The following TUSC3 variants were observed in gnomAD, a reference collection of about 807,000 sequenced individuals.
The protein encoded by TUSC3 is dolichyl-diphosphooligosaccharide--protein glycosyltransferase subunit TUSC3.
A neutral mutation model predicts 44.8 loss-of-function variants in TUSC3; 45 were observed. The observed-to-expected ratio is 1.00, with a 90% CI of 0.79 to 1.29. The LOEUF (loss-of-function observed/expected upper bound fraction) is 1.29, where lower values mean the gene tolerates loss of function less well. Ranked by LOEUF, TUSC3 falls within the 50% of genes most tolerant of loss-of-function variation. TUSC3 has a pLI of 0.00. For missense variants in TUSC3, 519 were observed against 437.9 expected (o/e 1.19, Z -1.65); for synonymous variants, 212 against 152.9 (o/e 1.39, Z -2.85).
intron 6 of TUSC3, chr8:15,689,163 G>T: frequency 5.0e-6 from 2 of 401,748 alleles, no homozygotes; most frequent in South Asian, 2.1e-5. Context: ...TTTCCACTCT[G>T]CTTCTTGCTT....
chr8:15,758,242 A>C (rs759043169), intron 10 of TUSC3: 341 of 995,966 alleles, frequency 3.4e-4, no homozygotes, highest in Middle Eastern at 5.1e-4. Flanking sequence ...GTAAGCCTTA[A>C]TATTCAAGGG....
intron 2 of TUSC3, among the ~76,000 whole-genome samples, chr8:15,499,898 A>G (rs1800935794): frequency 6.6e-6 from 1 of 152,198 alleles, no homozygotes; most frequent in African/African-American, 2.4e-5. Flanking sequence ...ACACACACAC[A>G]TTCTGTATTC....
At chr8:15,758,481 C>G (rs954989376) in intron 10 of TUSC3, among the ~76,000 whole-genome samples, 1 of 151,798 alleles carries the variant, frequency 6.6e-6, no homozygotes, top group African/African-American at 2.4e-5. Context: ...TTCCACACTG[C>G]ACATCCCACC....
intron 1 of TUSC3, among the ~76,000 whole-genome samples, chr8:15,616,755 C>T (rs1805002099): frequency 6.6e-6 from 1 of 152,208 alleles, no homozygotes; most frequent in South Asian, 2.1e-4. Flanking sequence ...AGAGCCCTAA[C>T]ACCCCTTGGT....
chr8:15,785,857 T>C, the TUSC3 span, among the ~76,000 whole-genome samples: 1 of 152,112 alleles, frequency 6.6e-6, no homozygotes, highest in South Asian at 2.1e-4. Context: ...TAACTTATCC[T>C]CCTGGATAGA....
intron 1 of TUSC3, among the ~76,000 whole-genome samples, chr8:15,448,304 A>G (rs976761204): frequency 6.6e-6 from 1 of 151,596 alleles, no homozygotes; most frequent in African/African-American, 2.4e-5. Context: ...TTTTTAGTAG[A>G]GATGAGGTTT....
At chr8:15,539,360 T>TTTTTC (rs1801593924), upstream of TUSC3, among the ~76,000 whole-genome samples, 1 of 135,118 alleles carries the variant, frequency 7.4e-6, no homozygotes, top group Non-Finnish European at 1.6e-5. Flanking sequence ...TTTTTTTTTT[T>TTTTTC]TTTTTTTTTT....
chr8:15,566,601 A>T (rs1402671759), intron 1 of TUSC3, among the ~76,000 whole-genome samples: 3 of 142,310 alleles, frequency 2.1e-5, no homozygotes, highest in African/African-American at 7.6e-5. Flanking sequence ...CAGAAGACAC[A>T]TTTTTTTGTT....
chr8:15,511,467 T>G (rs1241273140), intron 2 of TUSC3, among the ~76,000 whole-genome samples: 1 of 152,214 alleles, frequency 6.6e-6, no homozygotes, highest in Non-Finnish European at 1.5e-5. Context: ...AAAAATGTAT[T>G]GTATTTCTCT....
At chr8:15,786,726 G>A in the TUSC3 span, among the ~76,000 whole-genome samples, 1 of 151,870 alleles carries the variant, frequency 6.6e-6, no homozygotes, top group African/African-American at 2.4e-5. Context: ...GGTGGATCAC[G>A]AGGTCAGGAG....
chr8:15,698,828 G>A (rs1189264373), intron 6 of TUSC3, among the ~76,000 whole-genome samples: 2 of 150,708 alleles, frequency 1.3e-5, no homozygotes, highest in African/African-American at 4.9e-5. Context: ...AGTTCTGAAA[G>A]CATGGACCAT....
At chr8:15,653,791 A>G (rs970697565) in intron 3 of TUSC3, among the ~76,000 whole-genome samples, 1 of 152,224 alleles carries the variant, frequency 6.6e-6, no homozygotes, top group African/African-American at 2.4e-5. Context: ...TTAACTGACT[A>G]TTAAATCATA....
Position 15,709,706 on chromosome 8 carries a change from T to C in TUSC3, c.799-20960T>C, listed in dbSNP as rs911578389. Among the ~76,000 whole-genome samples, 3 of 151,906 alleles carry C rather than the reference T, an allele frequency of 2.0e-5. No individual in the cohort carries two copies. In the Admixed American group the frequency reaches 2.0e-4, roughly 10 times the overall value. On this transcript the variant is annotated intron_variant, in intron 6 of 10. Transcript: ENST00000503731. ...TCCTTTAGTCCTTATAGTATCCTTA[T>C]ATGAAATTGCCACTATTATCTCCCA...
the TUSC3 span, among the ~76,000 whole-genome samples, chr8:15,771,788 T>G: frequency 6.6e-6 from 1 of 151,986 alleles, no homozygotes; most frequent in African/African-American, 2.4e-5. Context: ...GAAATGTCTG[T>G]ATTAAAAAAA....
chr8:15,486,815 C>G lies in TUSC3; in HGVS notation n.189+3332C>G, dbSNP rs191796774. On this transcript the variant is annotated intron_variant and non_coding_transcript_variant, in intron 2 of 5. Coordinates refer to the TUSC3 transcript ENST00000503191. ...GTGTTCAGGAATGTATTCTATATTC[C>G]TTTCTCATTGAAGCTAGTAGCACTG... is the stretch of plus-strand genomic sequence containing the variant. Among the ~76,000 whole-genome samples the G allele has an allele frequency of 2.7e-3, 418 of 152,282 alleles. 4 individuals carry two copies. Among genetic ancestry groups the G allele is most frequent in the African/African-American group, 9.7e-3 (401 of 41,554 alleles).
intron 6 of TUSC3, among the ~76,000 whole-genome samples, chr8:15,729,204 T>C (rs533233444): frequency 6.6e-6 from 1 of 152,314 alleles, no homozygotes; most frequent in East Asian, 1.9e-4. Flanking sequence ...GATATGTTAG[T>C]CAGTGATGTA....
chr8:15,474,146 G>A (rs560912099), intron 1 of TUSC3, among the ~76,000 whole-genome samples: 23 of 152,232 alleles, frequency 1.5e-4, no homozygotes, highest in African/African-American at 5.1e-4. Context: ...CTGTCTGCAC[G>A]AAGAAAAATA....
At chr8:15,481,350 A>G (rs895079279) in intron 1 of TUSC3, among the ~76,000 whole-genome samples, 16 of 151,910 alleles carry the variant, frequency 1.1e-4, no homozygotes, top group African/African-American at 2.7e-4. Context: ...AGGTGGATTC[A>G]TTATTGAGGT....
At chr8:15,481,305 C>A (rs1436530781) in intron 1 of TUSC3, among the ~76,000 whole-genome samples, 1 of 150,994 alleles carries the variant, frequency 6.6e-6, no homozygotes, top group African/African-American at 2.4e-5. Flanking sequence ...CATGAAGGCT[C>A]TGCCGTCATC....
Sources: allele counts gnomAD v4.1 joint callset (sites outside exome capture counted in the v4.1 genomes callset), GRCh38; gene constraint gnomAD v4.1.1; transcripts MANE v1.5; gene names NCBI Gene and HGNC (gene_info 2026-07-23, HGNC 2026-07-21).